CNIH3: variants seen among roughly 807,000 people sequenced by gnomAD.
CNIH3 encodes the protein cornichon family AMPA receptor auxiliary protein 3, also known as protein cornichon homolog 3.
Under a neutral mutation model 24.1 loss-of-function variants are expected in CNIH3, and 14 were observed. The observed-to-expected ratio is 0.58, with a 90% CI of 0.38 to 0.91. The LOEUF (loss-of-function observed/expected upper bound fraction) is 0.91, where lower values mean the gene tolerates loss of function less well. Ranked by LOEUF, CNIH3 falls within the 40% of genes least tolerant of loss-of-function variation. CNIH3 has a pLI of 0.00. For synonymous variants in CNIH3, 68 were observed against 73.8 expected, an observed-to-expected ratio of 0.92 and a Z score of 0.40; for missense variants, 178 against 196.8, an observed-to-expected ratio of 0.90 and a Z score of 0.57.
chr1:224,639,690 G>C (rs1191676499), intron 1 of CNIH3, among the ~76,000 whole-genome samples: 1 of 152,198 alleles, frequency 6.6e-6, no homozygotes, highest in East Asian at 1.9e-4. Flanking sequence ...GGGAACTGAG[G>C]ACTGAACTCT....
chr1:224,469,016 A>G (rs1281543623), intron 1 of CNIH3, among the ~76,000 whole-genome samples: 2 of 151,708 alleles, frequency 1.3e-5, no homozygotes, highest in Non-Finnish European at 2.9e-5. Context: ...GTGCACGTGA[A>G]TGGGAACTGG....
chr1:224,642,776 A>G (rs1305647375), intron 1 of CNIH3, among the ~76,000 whole-genome samples: 1 of 152,176 alleles, frequency 6.6e-6, no homozygotes, highest in Non-Finnish European at 1.5e-5. Flanking sequence ...AACTGCACAT[A>G]TATCAGAGAG....
At chr1:224,459,584 A>G (rs1345327023) in intron 1 of CNIH3, among the ~76,000 whole-genome samples, 3 of 152,112 alleles carry the variant, frequency 2.0e-5, no homozygotes, top group Non-Finnish European at 4.4e-5. Flanking sequence ...TTCTCCTTAG[A>G]ATTATTGAAT....
At chr1:224,510,619 A>AC (rs1281874952) in intron 1 of CNIH3, among the ~76,000 whole-genome samples, 4 of 148,078 alleles carry the variant, frequency 2.7e-5, no homozygotes, top group Non-Finnish European at 6.0e-5. Flanking sequence ...CAAAAAAAAA[A>AC]CAAAAAAAAG....
intron 1 of CNIH3, among the ~76,000 whole-genome samples, chr1:224,481,708 A>G (rs970444824): frequency 1.3e-5 from 2 of 152,224 alleles, no homozygotes; most frequent in Non-Finnish European, 1.5e-5. Flanking sequence ...ACTTGAAGCC[A>G]GCACACCACT....
At chr1:224,586,311 A>G (rs1374315841) in intron 5 of CNIH3, among the ~76,000 whole-genome samples, 1 of 152,224 alleles carries the variant, frequency 6.6e-6, no homozygotes, top group East Asian at 1.9e-4. Context: ...CCTCACAGTC[A>G]TGGTAGAAGG....
At chr1:224,459,302 CCTGA>C (rs1242802471) in intron 1 of CNIH3, 8 of 735,696 alleles carry the variant, frequency 1.1e-5, no homozygotes, top group Non-Finnish European at 1.3e-5. Flanking sequence ...CAAAACAGTT[CCTGA>C]CTGTTTATTC....
At chr1:224,538,113 A>T (rs936678353), downstream of CNIH3, among the ~76,000 whole-genome samples, 1 of 151,606 alleles carries the variant, frequency 6.6e-6, no homozygotes, top group Non-Finnish European at 1.5e-5. Context: ...TGCCTGGCTA[A>T]TTTTTTTGTA....
intron 1 of CNIH3, among the ~76,000 whole-genome samples, chr1:224,498,126 A>G (rs1558109001): frequency 1.3e-5 from 2 of 152,228 alleles, no homozygotes; most frequent in Non-Finnish European, 1.5e-5. Context: ...ACCCTGATTC[A>G]GGGCCCATCT....
At chr1:224,657,201 A>G (rs1685138907) in intron 1 of CNIH3, among the ~76,000 whole-genome samples, 1 of 152,138 alleles carries the variant, frequency 6.6e-6, no homozygotes, top group South Asian at 2.1e-4. Flanking sequence ...CTTATAGCCA[A>G]TTAAACATTC....
chr1:224,691,563 A>C (rs1686934461), intron 3 of CNIH3, among the ~76,000 whole-genome samples: 1 of 152,202 alleles, frequency 6.6e-6, no homozygotes. Flanking sequence ...CCTGTATCTC[A>C]AGGCCAAGCC....
At chr1:224,527,686 A>G (rs1330504595) in intron 2 of CNIH3, among the ~76,000 whole-genome samples, 1 of 152,222 alleles carries the variant, frequency 6.6e-6, no homozygotes, top group Non-Finnish European at 1.5e-5. Flanking sequence ...ATGTTAGGCA[A>G]TAAAAACAGG....
At chr1:224,524,195 T>A (rs1000517289) in intron 2 of CNIH3, among the ~76,000 whole-genome samples, 8 of 152,086 alleles carry the variant, frequency 5.3e-5, no homozygotes, top group African/African-American at 1.9e-4. Context: ...GATGTGGAAA[T>A]GGAGGACGAC....
chr1:224,479,976 T>G (rs564737051), intron 1 of CNIH3, among the ~76,000 whole-genome samples: 2 of 152,268 alleles, frequency 1.3e-5, no homozygotes, highest in Admixed American at 1.3e-4. Context: ...TGTGGGGGCT[T>G]CGACCCCACA....
intron 1 of CNIH3, among the ~76,000 whole-genome samples, chr1:224,677,728 A>C (rs1267804777): frequency 6.6e-6 from 1 of 152,094 alleles, no homozygotes; most frequent in Non-Finnish European, 1.5e-5. Flanking sequence ...TGCTCTATTC[A>C]GTCTAGACCC....
chr1:224,584,279 G>A (rs962324047), intron 5 of CNIH3, among the ~76,000 whole-genome samples: 15 of 152,136 alleles, frequency 9.9e-5, no homozygotes, highest in Middle Eastern at 3.2e-3. Flanking sequence ...ATTGCATAGA[G>A]AAGTATACAG....
At chr1:224,530,097 T>A (rs192865171) in intron 2 of CNIH3, among the ~76,000 whole-genome samples, 267 of 152,332 alleles carry the variant, frequency 1.8e-3, no homozygotes, top group Non-Finnish European at 3.4e-3. Context: ...GGGCTGCACT[T>A]CTGGGAAGTC....
At chr1:224,636,485 T>G (rs529082775) in intron 1 of CNIH3, among the ~76,000 whole-genome samples, 30 of 152,334 alleles carry the variant, frequency 2.0e-4, no homozygotes, top group African/African-American at 7.2e-4. Flanking sequence ...CCCAGGAGCT[T>G]ACATCAGACA....
At chr1:224,524,608 T>C (rs537749752) in intron 2 of CNIH3, among the ~76,000 whole-genome samples, 39 of 152,306 alleles carry the variant, frequency 2.6e-4, no homozygotes, top group Admixed American at 6.5e-5. Flanking sequence ...TTTTTGAAAG[T>C]ATGTAGTATA....
Sources: gnomAD v4.1 joint callset for allele counts (sites outside exome capture counted in the v4.1 genomes callset) on GRCh38, gnomAD v4.1.1 for gene constraint, MANE v1.5 for transcripts, NCBI Gene and HGNC (gene_info 2026-07-23, HGNC 2026-07-21) for gene names.